TENM1: variants seen among roughly 807,000 people sequenced by gnomAD.
TENM1 encodes teneurin-1.
Under a neutral mutation model 174.8 loss-of-function variants are expected in TENM1, and 35 were observed. The ratio of observed to expected loss-of-function variants is 0.20; its 90% CI spans 0.15 to 0.27. The LOEUF (loss-of-function observed/expected upper bound fraction) is 0.27. TENM1 is among the 10% of genes least tolerant of loss of function. The pLI is 1.00. For synonymous variants in TENM1, 781 were observed against 798.7 expected (o/e 0.98, Z 0.37); for missense variants, 1,633 against 2,130.1 (o/e 0.77, Z 4.59).
intron 6 of TENM1, among the ~76,000 whole-genome samples, chrX:124,670,048 T>A (rs1433370575): frequency 1.8e-5 from 2 of 112,056 alleles, no homozygotes; most frequent in Non-Finnish European, 3.8e-5. Flanking sequence ...GTTTCTCATT[T>A]GGACAATGGG....
chrX:125,099,364 G>A, the TENM1 span, among the ~76,000 whole-genome samples: 4 of 112,214 alleles, frequency 3.6e-5, no homozygotes, highest in Non-Finnish European at 5.6e-5. Context: ...CACAGATTCC[G>A]TGGCAATTAT....
intron 22 of TENM1, among the ~76,000 whole-genome samples, chrX:124,470,800 C>T (rs1223640750): frequency 9.1e-6 from 1 of 110,094 alleles, no homozygotes; most frequent in African/African-American, 3.3e-5. Context: ...AGTACTATGA[C>T]ACTCCTTCTT....
chrX:124,912,414 A>G, intron 1 of TENM1, among the ~76,000 whole-genome samples: 1 of 110,859 alleles, frequency 9.0e-6, no homozygotes, highest in Non-Finnish European at 1.9e-5. Flanking sequence ...TGGAAACTCA[A>G]TATCCTGAGA....
intron 1 of TENM1, among the ~76,000 whole-genome samples, chrX:124,941,502 T>C (rs924199741): frequency 8.9e-6 from 1 of 111,856 alleles, no homozygotes; most frequent in South Asian, 3.7e-4. Context: ...TACATGCTCT[T>C]CCAGTGTGAT....
At chrX:124,910,178 A>G (rs1330806317) in intron 1 of TENM1, among the ~76,000 whole-genome samples, 1 of 112,425 alleles carries the variant, frequency 8.9e-6, no homozygotes, top group African/African-American at 3.2e-5. Flanking sequence ...ACTGCAGGCA[A>G]TTCTTGCAAA....
chrX:124,440,661 T>C (rs1367200798), intron 23 of TENM1, among the ~76,000 whole-genome samples: 1 of 111,946 alleles, frequency 8.9e-6, no homozygotes, highest in Non-Finnish European at 1.9e-5. Context: ...TTTTCTAAAA[T>C]ATAGACCCGG....
intron 3 of TENM1, among the ~76,000 whole-genome samples, chrX:124,840,612 C>A: frequency 9.0e-6 from 1 of 111,673 alleles, no homozygotes; most frequent in Middle Eastern, 4.6e-3. Flanking sequence ...GAGGAGGCTG[C>A]TTATGCATAG....
the TENM1 span, among the ~76,000 whole-genome samples, chrX:124,977,949 TGTGTGTGTGTGTGTGTGTGA>T: frequency 1.9e-5 from 1 of 51,803 alleles, no homozygotes; most frequent in Non-Finnish European, 3.5e-5. Context: ...AGTGTGTGTG[TGTGTGTGTGTGTGTGTGTGA>T]GAGAGAGAGA....
chrX:124,567,313 G>A (rs979645317), intron 11 of TENM1, among the ~76,000 whole-genome samples: 10 of 111,669 alleles, frequency 9.0e-5, no homozygotes, highest in Non-Finnish European at 1.9e-4. Flanking sequence ...GAAGAGCCCT[G>A]AAGAAAGATC....
intron 23 of TENM1, among the ~76,000 whole-genome samples, chrX:124,449,549 A>T (rs1402425241): frequency 8.9e-6 from 1 of 112,217 alleles, no homozygotes; most frequent in Non-Finnish European, 1.9e-5. Flanking sequence ...CCCTATTTTA[A>T]GTTAAAAATA....
At chrX:124,588,564 GA>G (rs2049621224) in intron 11 of TENM1, among the ~76,000 whole-genome samples, 1 of 108,257 alleles carries the variant, frequency 9.2e-6, no homozygotes, top group Non-Finnish European at 1.9e-5. Context: ...AGTGGGGAGG[GA>G]TAGCTTTAGG....
At chrX:124,858,567 A>T (rs1218857267) in intron 3 of TENM1, among the ~76,000 whole-genome samples, 1 of 111,732 alleles carries the variant, frequency 8.9e-6, no homozygotes. Flanking sequence ...TAGGTTAATA[A>T]TGTCATCAGA....
At chrX:124,724,936 G>T (rs1251900890) in intron 4 of TENM1, among the ~76,000 whole-genome samples, 1 of 111,928 alleles carries the variant, frequency 8.9e-6, no homozygotes, top group Non-Finnish European at 1.9e-5. Context: ...TCAGGAGCCT[G>T]TTGGCCCCTT....
chrX:124,502,298 C>T (rs1470930144), intron 19 of TENM1, among the ~76,000 whole-genome samples: 1 of 112,638 alleles, frequency 8.9e-6, no homozygotes, highest in Non-Finnish European at 1.9e-5. Flanking sequence ...GGGCCCCCCC[C>T]AAAGCCAACT....
intron 22 of TENM1, among the ~76,000 whole-genome samples, chrX:124,471,302 A>AATATATATTATTATATATT (rs1408251362): frequency 2.2e-5 from 1 of 45,967 alleles, no homozygotes; most frequent in Non-Finnish European, 3.4e-5. Flanking sequence ...TATATATTAT[A>AATATATATTATTATATATT]ATATATAGTA....
chrX:124,707,150 C>A (rs1335847203), intron 4 of TENM1, among the ~76,000 whole-genome samples: 1 of 109,966 alleles, frequency 9.1e-6, no homozygotes, highest in Non-Finnish European at 1.9e-5. Context: ...AGACCACAGG[C>A]TGCCGCCCTG....
At chrX:124,996,549 CCACACA>C in the TENM1 span, among the ~76,000 whole-genome samples, 15,544 of 95,886 alleles carry the variant, frequency 0.16, 1,075 homozygotes, top group African/African-American at 0.24. Context: ...AAAAAAAAAA[CCACACA>C]CACACACACA....
At chrX:124,867,523 G>C (rs1320475476) in intron 3 of TENM1, among the ~76,000 whole-genome samples, 3 of 112,179 alleles carry the variant, frequency 2.7e-5, no homozygotes, top group African/African-American at 9.7e-5. Context: ...CAGACCTGCA[G>C]CTGGCATCAT....
At chrX:125,105,148 G>A in the TENM1 span, among the ~76,000 whole-genome samples, 12 of 111,475 alleles carry the variant, frequency 1.1e-4, no homozygotes, top group South Asian at 3.8e-4. Context: ...TGGAAAGCAC[G>A]GTACAAACCG....
Sources: gnomAD v4.1 joint callset for allele counts (sites outside exome capture counted in the v4.1 genomes callset) on GRCh38, gnomAD v4.1.1 for gene constraint, MANE v1.5 for transcripts, NCBI Gene and HGNC (gene_info 2026-07-23, HGNC 2026-07-21) for gene names.